Variants in FARS2 observed in about 807,000 individuals in gnomAD.
FARS2 encodes phenylalanyl-tRNA synthetase 2, mitochondrial, also known as phenylalanine--tRNA ligase, mitochondrial.
A neutral mutation model predicts 46.4 loss-of-function variants in FARS2; 40 were observed. The observed-to-expected ratio is 0.86, with a 90% CI of 0.67 to 1.12. The LOEUF (loss-of-function observed/expected upper bound fraction) is 1.12. Among genes scored for constraint, FARS2 ranks in the 50% most tolerant of loss-of-function variants. The pLI is 0.00. For synonymous variants in FARS2, 234 were observed against 214.9 expected (o/e 1.09, Z -0.78); for missense variants, 513 against 567.9 (o/e 0.90, Z 0.98).
chr6:5,627,344 A>G (rs912494730), intron 6 of FARS2, among the ~76,000 whole-genome samples: 9 of 152,274 alleles, frequency 5.9e-5, no homozygotes, highest in African/African-American at 1.7e-4. Context: ...CCTAAAGGAA[A>G]TAACAGTAGT....
intron 4 of FARS2, among the ~76,000 whole-genome samples, chr6:5,484,783 C>T (rs948663814): frequency 6.6e-6 from 1 of 152,200 alleles, no homozygotes. Flanking sequence ...GATTGAAGGG[C>T]ACAGTGAGTT....
chr6:5,727,425 T>C lies in FARS2; in HGVS notation c.1218-43866T>C, dbSNP rs553525190. 6.6e-6 allele frequency among the ~76,000 whole-genome samples: 1 copy of C among 152,214 alleles called. No individual in the cohort carries two copies. Among genetic ancestry groups the C allele is most frequent in the South Asian group, 2.1e-4 (1 of 4,828 alleles). The stretch of plus-strand genomic sequence containing the variant: ...CACTTTTCAGAGGCAGGGTGCTGAC[T>C]GGCCAGAACGTAGGAAAGGCCAGGT... On this transcript the variant is annotated intron_variant, in intron 6 of 6. Transcript: ENST00000274680. This position sits in a 1 kb window ranked among gnomAD's most constrained non-coding sequence, Gnocchi z 4.1.
chr6:5,706,970 C>T (rs1468722338), intron 6 of FARS2, among the ~76,000 whole-genome samples: 3 of 152,226 alleles, frequency 2.0e-5, no homozygotes, highest in Non-Finnish European at 2.9e-5. Context: ...TCAGCTTTCT[C>T]CAGCGCGCCT....
At chr6:5,483,630 G>A (rs373053674) in intron 4 of FARS2, among the ~76,000 whole-genome samples, 1 of 152,130 alleles carries the variant, frequency 6.6e-6, no homozygotes, top group African/African-American at 2.4e-5. Context: ...TTGAGTCATT[G>A]TACTCCAGCC....
intron 6 of FARS2, among the ~76,000 whole-genome samples, chr6:5,681,636 G>A (rs1051256295): frequency 6.6e-6 from 1 of 152,228 alleles, no homozygotes; most frequent in Non-Finnish European, 1.5e-5. Context: ...AAATCCCCAA[G>A]ATAGACAAGC....
At chr6:5,536,509 TA>T (rs1770210847) in intron 4 of FARS2, among the ~76,000 whole-genome samples, 1 of 152,268 alleles carries the variant, frequency 6.6e-6, no homozygotes, top group African/African-American at 2.4e-5. Context: ...AGCAGAACCC[TA>T]TAAGGAGGTC....
chr6:5,400,686 A>G (rs970261186), intron 2 of FARS2, among the ~76,000 whole-genome samples: 3 of 151,612 alleles, frequency 2.0e-5, no homozygotes, highest in South Asian at 2.1e-4. Context: ...ACATGATTTC[A>G]TTTCCTAATT....
At chr6:5,655,392 T>C (rs1226236404) in intron 6 of FARS2, among the ~76,000 whole-genome samples, 1 of 152,186 alleles carries the variant, frequency 6.6e-6, no homozygotes, top group African/African-American at 2.4e-5. Context: ...TTCACTGCCC[T>C]AACAAATTAC....
chr6:5,288,113 G>A lies in FARS2; in HGVS notation c.-22+26453G>A, dbSNP rs538321481. Among the ~76,000 whole-genome samples, 6 of 152,200 alleles carry A rather than the reference G, an allele frequency of 3.9e-5. No individual in the cohort carries two copies. The East Asian group carries it at 9.7e-4, about 25-fold the overall frequency. ...ATGTTTGTTCCCATGTTGCTCGTTG[G>A]CAACGTCACAGCCAGGACTGGGTGA... On this transcript the variant is annotated intron_variant, in intron 1 of 6. Transcript: ENST00000274680.
chr6:5,570,818 C>T lies in FARS2; in HGVS notation c.1065+25478C>T, dbSNP rs773338235. ...GAAACGGGGGTAATCTGCACTGTCA[C>T]CACAGCTGTGCACGCATTTCCAGCT... On this transcript the variant is annotated intron_variant, in intron 5 of 6. Transcript: ENST00000274680. Among the ~76,000 whole-genome samples the T allele has an allele frequency of 5.3e-5, 8 of 152,292 alleles. No individual in the cohort carries two copies. In the South Asian group the frequency reaches 1.7e-3, roughly 32 times the overall value.
intron 4 of FARS2, among the ~76,000 whole-genome samples, chr6:5,469,259 C>T (rs1025766107): frequency 4.6e-5 from 7 of 152,184 alleles, no homozygotes; most frequent in Admixed American, 1.3e-4. Context: ...CTTGGTCCAC[C>T]GAGGTTCCTG....
chr6:5,629,865 G>T lies in FARS2; in HGVS notation c.1217+16545G>T, dbSNP rs370452623. On this transcript the variant is annotated intron_variant, in intron 6 of 6. Coordinates refer to ENST00000274680, the MANE Select transcript of FARS2 (RefSeq NM_006567.5). Reference sequence around the variant, plus strand: ...GGAAACGGGGCCAGTTCAAAGGAGAGATCGTGGGGATGAAGAAACCACATA... The same window carrying T: ...GGAAACGGGGCCAGTTCAAAGGAGATATCGTGGGGATGAAGAAACCACATA... 6.5e-4 allele frequency among the ~76,000 whole-genome samples: 99 copies of T among 152,250 alleles called. 2 individuals are homozygous for T. The South Asian group carries it at 0.02, about 31-fold the overall frequency.
chr6:5,534,786 T>C (rs372248251), intron 4 of FARS2, among the ~76,000 whole-genome samples: 30 of 152,204 alleles, frequency 2.0e-4, no homozygotes, highest in South Asian at 1.0e-3. Context: ...GAGGCATATA[T>C]ACATATATAG....
intron 5 of FARS2, among the ~76,000 whole-genome samples, chr6:5,599,651 T>A (rs1158314671): frequency 6.6e-6 from 1 of 152,226 alleles, no homozygotes; most frequent in African/African-American, 2.4e-5. Context: ...TTCAGTGGTG[T>A]TTTTTAGTAT....
intron 6 of FARS2, among the ~76,000 whole-genome samples, chr6:5,668,695 T>G (rs1478938934): frequency 8.4e-5 from 12 of 142,940 alleles, no homozygotes; most frequent in Non-Finnish European, 1.4e-4. Context: ...GGTTTTTTTT[T>G]TTTTTTTTTT....
intron 5 of FARS2, chr6:5,609,954 T>C: frequency 7.9e-7 from 1 of 1,268,422 alleles, no homozygotes; most frequent in East Asian, 2.3e-5. Context: ...GTTCCACAAC[T>C]CTTCCATCCA....
At chr6:5,506,868 C>A (rs905206584) in intron 4 of FARS2, among the ~76,000 whole-genome samples, 16 of 152,328 alleles carry the variant, frequency 1.1e-4, no homozygotes, top group Middle Eastern at 6.8e-3. Flanking sequence ...TTCAGTGTTG[C>A]TCTTGGCAAT....
At chr6:5,284,480 C>T (rs1766973988) in intron 1 of FARS2, among the ~76,000 whole-genome samples, 1 of 152,186 alleles carries the variant, frequency 6.6e-6, no homozygotes, top group Non-Finnish European at 1.5e-5. Flanking sequence ...CAATCCACCA[C>T]CTGCTCTGGC....
At position 5,399,174 on chromosome 6, in the gene FARS2, T is replaced by TATC. The variant is rs750807750; in HGVS notation, c.613-5352_613-5350dup. Among the ~76,000 whole-genome samples, 310 of 67,640 alleles carry TATC rather than the reference T, an allele frequency of 4.6e-3. 3 individuals carry two copies. The highest frequency in any genetic ancestry group is 0.011 in the African/African-American group (276 of 25,538). 44.4% of individuals were successfully genotyped at this position (67,640 alleles called of 152,430 possible). ...TTATTATTATTATTATTATTATTAT[T>TATC]ATCATCATCATCATCATCGAGACGG... On this transcript the variant is annotated intron_variant, in intron 2 of 6. Coordinates refer to ENST00000274680, the MANE Select transcript of FARS2 (RefSeq NM_006567.5).
Sources: gnomAD v4.1 joint callset for allele counts (sites outside exome capture counted in the v4.1 genomes callset) on GRCh38, gnomAD v4.1.1 for gene constraint, Gnocchi (gnomAD v3.1) non-coding constraint, MANE v1.5 for transcripts, NCBI Gene and HGNC (gene_info 2026-07-23, HGNC 2026-07-21) for gene names.